Variants in SLIT3 observed in about 807,000 individuals in gnomAD.
SLIT3 encodes slit guidance ligand 3.
In SLIT3, 68 loss-of-function variants were observed where a neutral mutation model predicts 184.0. That is an observed-to-expected ratio of 0.37 (90% CI 0.30 to 0.45). The LOEUF (loss-of-function observed/expected upper bound fraction) is 0.45. Ranked by LOEUF, SLIT3 falls within the 20% of genes least tolerant of loss-of-function variation. The probability of loss-of-function intolerance (pLI) is 1.00; values close to 1 mark genes in which losing one functional copy is unlikely to be tolerated. For missense variants in SLIT3, 1,707 were observed against 2,026.0 expected (o/e 0.84, Z 3.02); for synonymous variants, 831 against 828.6 (o/e 1.00, Z -0.05).
At chr5:168,686,865 C>T (rs1054946934) in intron 30 of SLIT3, 114 bp downstream of exon 30, 63 of 1,280,882 alleles carry the variant, frequency 4.9e-5, no homozygotes, top group Admixed American at 2.5e-4. Flanking sequence ...CACCCAGAAC[C>T]GGGGCTACAG....
chr5:168,821,597 G>A (rs139970689), intron 7 of SLIT3, among the ~76,000 whole-genome samples: 1 of 152,314 alleles, frequency 6.6e-6, no homozygotes, highest in African/African-American at 2.4e-5. Flanking sequence ...AGATTTTCTT[G>A]GCTGAGTTAT....
At chr5:168,995,156 C>T (rs1390437628) in intron 4 of SLIT3, among the ~76,000 whole-genome samples, 6 of 152,100 alleles carry the variant, frequency 3.9e-5, no homozygotes, top group Non-Finnish European at 5.9e-5. Context: ...CACTCAACCA[C>T]AGCACGCATA....
At chr5:168,750,405 T>C (rs1754655193) in intron 18 of SLIT3, among the ~76,000 whole-genome samples, 1 of 152,244 alleles carries the variant, frequency 6.6e-6, no homozygotes, top group Non-Finnish European at 1.5e-5. Context: ...CTTCCTTTTC[T>C]CACATGAGGA....
chr5:168,823,426 C>T (rs1373991761), intron 6 of SLIT3, 95 bp from the exon 7 acceptor site: 4 of 844,208 alleles, frequency 4.7e-6, no homozygotes, highest in Non-Finnish European at 8.3e-6. Context: ...GTTGTGACCG[C>T]AAGACCATGA....
chr5:168,926,961 T>C (rs1761846821), intron 4 of SLIT3, among the ~76,000 whole-genome samples: 1 of 152,138 alleles, frequency 6.6e-6, no homozygotes, highest in African/African-American at 2.4e-5. Context: ...GAAAACAGAA[T>C]GGTGGTTCTT....
chr5:169,217,094 C>G (rs991320253), intron 3 of SLIT3, among the ~76,000 whole-genome samples: 1 of 142,480 alleles, frequency 7.0e-6, no homozygotes, highest in Non-Finnish European at 1.5e-5. Context: ...TTTCATTTTT[C>G]GGTGACAACT....
chr5:168,788,263 C>A (rs1240549589), intron 11 of SLIT3, among the ~76,000 whole-genome samples: 1 of 152,156 alleles, frequency 6.6e-6, no homozygotes, highest in African/African-American at 2.4e-5. Flanking sequence ...ATGGTCCCAT[C>A]TTTGATATCC....
intron 1 of SLIT3, among the ~76,000 whole-genome samples, chr5:169,265,627 A>T (rs1444155604): frequency 2.0e-5 from 3 of 152,188 alleles, no homozygotes; most frequent in African/African-American, 7.2e-5. Flanking sequence ...TAGGCAGGTT[A>T]TTTAACTCAT....
chr5:169,074,170 A>G (rs995400179), intron 4 of SLIT3, among the ~76,000 whole-genome samples: 12 of 151,990 alleles, frequency 7.9e-5, no homozygotes, highest in Admixed American at 4.6e-4. Flanking sequence ...GTACCCTATA[A>G]TCTCTGGAGC....
intron 1 of SLIT3, among the ~76,000 whole-genome samples, chr5:169,264,125 C>A (rs915120887): frequency 6.6e-6 from 1 of 151,972 alleles, no homozygotes. Flanking sequence ...GATAAAGTGA[C>A]CATGCAGAGT....
At chr5:168,939,998 T>A (rs370634635) in intron 4 of SLIT3, among the ~76,000 whole-genome samples, 1 of 152,196 alleles carries the variant, frequency 6.6e-6, no homozygotes, top group Admixed American at 6.5e-5. Context: ...AGAGATGGGA[T>A]TGAATTGAAC....
Position 168,844,598 on chromosome 5 carries a change from G to A in SLIT3, c.543C>T (p.Arg181=), listed in dbSNP as rs757955501. 8.1e-6 allele frequency: 13 copies of A among 1,613,996 alleles called. No homozygotes were observed. The highest frequency in any genetic ancestry group is 2.2e-5 in the South Asian group (2 of 91,086). Residue 181 remains arginine (R), a synonymous_variant, in exon 6 of 36, where the codon CGC becomes CGT. Coordinates refer to ENST00000519560, the MANE Select transcript of SLIT3 (RefSeq NM_003062.4). ...CIEDGAFRAL[R]DLEILTLNNN... ...AATCAACTCACAGGATCTCCAAATC[G>A]CGCAGCGCTCGGAAGGCTCCATCTT...
chr5:169,105,845 T>A (rs1320635698), intron 4 of SLIT3, among the ~76,000 whole-genome samples: 5 of 152,192 alleles, frequency 3.3e-5, no homozygotes, highest in African/African-American at 1.2e-4. Context: ...AATTTCTGTA[T>A]CCAGTCTACC....
At chr5:168,709,477 G>A (rs1248105421) in intron 25 of SLIT3, among the ~76,000 whole-genome samples, 5 of 152,200 alleles carry the variant, frequency 3.3e-5, no homozygotes, top group Non-Finnish European at 7.3e-5. Context: ...GGTGGAGCCA[G>A]GCTTCAGTAA....
intron 27 of SLIT3, among the ~76,000 whole-genome samples, chr5:168,697,663 T>C (rs369490433): frequency 6.6e-6 from 1 of 152,196 alleles, no homozygotes; most frequent in Non-Finnish European, 1.5e-5. Context: ...TCCTACTTAA[T>C]TGGTCTCCTT....
chr5:169,266,086 AG>A (rs1766388256), intron 1 of SLIT3, among the ~76,000 whole-genome samples: 1 of 152,196 alleles, frequency 6.6e-6, no homozygotes, highest in Non-Finnish European at 1.5e-5. Flanking sequence ...TCAGTCCAAA[AG>A]TTTCACCTTT....
rs150605277 is a variant in SLIT3, at chr5:169,023,362, A to T, written c.414-140026T>A. Reference sequence around the variant, plus strand: ...TTTGTCTGTGTGTAGAAATTTTTTTAGGACTGTATTCAAAGAAAAAAGAGG... The same window carrying T: ...TTTGTCTGTGTGTAGAAATTTTTTTTGGACTGTATTCAAAGAAAAAAGAGG... On this transcript the variant is annotated intron_variant, in intron 4 of 35. Coordinates refer to ENST00000519560, the MANE Select transcript of SLIT3 (RefSeq NM_003062.4). 3.3e-3 allele frequency among the ~76,000 whole-genome samples: 504 copies of T among 152,234 alleles called. 2 individuals are homozygous for T. Among genetic ancestry groups the T allele is most frequent in the African/African-American group, 0.011 (462 of 41,552 alleles).
chr5:169,190,149 G>A (rs1763502772), intron 4 of SLIT3, among the ~76,000 whole-genome samples: 2 of 152,100 alleles, frequency 1.3e-5, no homozygotes, highest in Admixed American at 6.6e-5. Flanking sequence ...CTGGGACATG[G>A]GCATATATGA....
At chr5:169,175,282 G>A (rs1762945684) in intron 4 of SLIT3, among the ~76,000 whole-genome samples, 2 of 152,170 alleles carry the variant, frequency 1.3e-5, no homozygotes, top group Admixed American at 1.3e-4. Context: ...GAATACTGAG[G>A]CTTAGAAAAA....
Sources: gnomAD v4.1 joint callset for allele counts (sites outside exome capture counted in the v4.1 genomes callset) on GRCh38, gnomAD v4.1.1 for gene constraint, MANE v1.5 for transcripts, NCBI Gene and HGNC (gene_info 2026-07-23, HGNC 2026-07-21) for gene names.